Variants in RBFOX1 observed in about 807,000 individuals in gnomAD.
RBFOX1 encodes the protein RNA binding protein fox-1 homolog 1.
Under a neutral mutation model 57.7 loss-of-function variants are expected in RBFOX1, and 8 were observed. The ratio of observed to expected loss-of-function variants is 0.14; its 90% CI spans 0.08 to 0.25. The LOEUF is 0.25. RBFOX1 is among the 10% of genes least tolerant of loss of function. RBFOX1 has a pLI of 1.00. For synonymous variants in RBFOX1, 326 were observed against 222.4 expected (o/e 1.47, Z -4.15); for missense variants, 611 against 548.5 (o/e 1.11, Z -1.14).
At chr16:7,258,729 G>C (rs951914380) in intron 4 of RBFOX1, among the ~76,000 whole-genome samples, 10 of 152,108 alleles carry the variant, frequency 6.6e-5, no homozygotes, top group Admixed American at 2.0e-4. Context: ...AATCTCATTT[G>C]TCTCCCCATT....
At chr16:5,915,334 C>A (rs759224174) in intron 4 of RBFOX1, among the ~76,000 whole-genome samples, 6 of 152,180 alleles carry the variant, frequency 3.9e-5, no homozygotes, top group Non-Finnish European at 8.8e-5. Flanking sequence ...CTATTGCATC[C>A]TTTCCATATT....
chr16:5,732,017 A>G (rs2052391656), intron 3 of RBFOX1, among the ~76,000 whole-genome samples: 2 of 152,184 alleles, frequency 1.3e-5, no homozygotes, highest in African/African-American at 2.4e-5. Flanking sequence ...TCCCCTTGCA[A>G]GACAGCCTCA....
chr16:6,043,876 G>A (rs909531271), intron 1 of RBFOX1, among the ~76,000 whole-genome samples: 1 of 152,178 alleles, frequency 6.6e-6, no homozygotes, highest in East Asian at 1.9e-4. Flanking sequence ...AGAGAGGACC[G>A]GCCTCTGCTT....
At chr16:7,106,782 C>T (rs1006932407) in intron 4 of RBFOX1, among the ~76,000 whole-genome samples, 10 of 152,002 alleles carry the variant, frequency 6.6e-5, no homozygotes, top group Middle Eastern at 3.4e-3. Flanking sequence ...TAGAGAGTGA[C>T]GTGACCAGAT....
chr16:7,215,949 T>G (rs764743762), intron 4 of RBFOX1, among the ~76,000 whole-genome samples: 7 of 152,256 alleles, frequency 4.6e-5, no homozygotes, highest in Non-Finnish European at 8.8e-5. Context: ...GGTCTCGATT[T>G]CCTGACCTTG....
chr16:6,802,104 G>A (rs1450636007), intron 3 of RBFOX1, among the ~76,000 whole-genome samples: 1 of 152,056 alleles, frequency 6.6e-6, no homozygotes, highest in Non-Finnish European at 1.5e-5. Context: ...AACAAGTCCT[G>A]TTAAGAAATC....
At chr16:7,574,475 G>A (rs1296455908) in intron 5 of RBFOX1, among the ~76,000 whole-genome samples, 4 of 152,150 alleles carry the variant, frequency 2.6e-5, no homozygotes, top group Non-Finnish European at 5.9e-5. Flanking sequence ...GAAGCCAACA[G>A]TACAGCCTTC....
Position 6,509,115 on chromosome 16 carries a change from G to A in RBFOX1, c.-63-145488G>A, listed in dbSNP as rs193016875. On this transcript the variant is annotated intron_variant, in intron 2 of 15. Coordinates refer to ENST00000550418, the MANE Select transcript of RBFOX1 (RefSeq NM_018723.4). ...TATTTCAAAGGAGTAACCAGATTTT[G>A]TTGTGCTTTCTTTTGTCTTAAGTAA... 1.6e-4 allele frequency among the ~76,000 whole-genome samples: 25 copies of A among 152,258 alleles called. No homozygotes were observed. The East Asian group carries it at 4.0e-3, about 25-fold the overall frequency.
intron 2 of RBFOX1, among the ~76,000 whole-genome samples, chr16:5,529,571 A>ATT (rs56190045): frequency 0.69 from 98,221 of 143,384 alleles, 33,865 homozygotes; most frequent in East Asian, 0.86. Context: ...TCATTTATGT[A>ATT]TTTTTTTTTT....
At chr16:6,402,432 T>G (rs1050095972) in intron 2 of RBFOX1, among the ~76,000 whole-genome samples, 2 of 152,244 alleles carry the variant, frequency 1.3e-5, no homozygotes, top group Non-Finnish European at 2.9e-5. Context: ...TTTTTTTCCT[T>G]TGGATCTTTT....
intron 4 of RBFOX1, among the ~76,000 whole-genome samples, chr16:5,972,856 G>T (rs938144443): frequency 6.6e-6 from 1 of 152,276 alleles, no homozygotes; most frequent in South Asian, 2.1e-4. Flanking sequence ...GGTAAATCTT[G>T]TCTTCAAGAT....
intron 14 of RBFOX1, among the ~76,000 whole-genome samples, chr16:7,688,315 A>T (rs1054745652): frequency 4.0e-5 from 6 of 151,740 alleles, no homozygotes; most frequent in Non-Finnish European, 5.9e-5. Flanking sequence ...ATACAAGAAG[A>T]ATCTTGCTAT....
intron 14 of RBFOX1, among the ~76,000 whole-genome samples, chr16:7,681,073 C>G (rs1262299247): frequency 6.6e-6 from 1 of 152,154 alleles, no homozygotes; most frequent in Non-Finnish European, 1.5e-5. Flanking sequence ...ATAAAAGGTT[C>G]TATTTCAGAG....
chr16:6,879,415 T>A (rs982440845), intron 3 of RBFOX1, among the ~76,000 whole-genome samples: 1 of 152,238 alleles, frequency 6.6e-6, no homozygotes, highest in Non-Finnish European at 1.5e-5. Flanking sequence ...TATGTAATTA[T>A]TAGAATTTTC....
intron 3 of RBFOX1, among the ~76,000 whole-genome samples, chr16:6,967,524 C>T (rs527799102): frequency 1.3e-5 from 2 of 152,132 alleles, no homozygotes; most frequent in South Asian, 2.1e-4. Context: ...GGAACCCTTT[C>T]ATTTGCTGAA....
chr16:5,675,461 A>C (rs959908608), intron 3 of RBFOX1, among the ~76,000 whole-genome samples: 4 of 152,188 alleles, frequency 2.6e-5, no homozygotes, highest in Non-Finnish European at 4.4e-5. Flanking sequence ...AACTCAGCTC[A>C]CGTGCCCAGT....
chr16:6,577,864 G>A (rs888063317), intron 2 of RBFOX1, among the ~76,000 whole-genome samples: 2 of 152,282 alleles, frequency 1.3e-5, no homozygotes, highest in Admixed American at 6.5e-5. Context: ...CTATATGGAA[G>A]GATATTTTAT....
chr16:5,401,987 C>T (rs1006005562), intron 1 of RBFOX1, among the ~76,000 whole-genome samples: 4 of 152,128 alleles, frequency 2.6e-5, no homozygotes, highest in Non-Finnish European at 5.9e-5. Context: ...CACAATGAAA[C>T]TGGATAATTC....
chr16:6,278,805 T>G (rs1352837121), intron 1 of RBFOX1, among the ~76,000 whole-genome samples: 1 of 152,304 alleles, frequency 6.6e-6, no homozygotes, highest in South Asian at 2.1e-4. Context: ...AACTCGATAT[T>G]GTTTAAAGAC....
Sources: gnomAD v4.1 joint callset for allele counts (sites outside exome capture counted in the v4.1 genomes callset) on GRCh38, gnomAD v4.1.1 for gene constraint, MANE v1.5 for transcripts, NCBI Gene and HGNC (gene_info 2026-07-23, HGNC 2026-07-21) for gene names.